Variants in TOM1L2 observed in about 807,000 individuals in gnomAD.
TOM1L2 encodes target of myb1 like 2 membrane trafficking protein.
In TOM1L2, 31 loss-of-function variants were observed where a neutral mutation model predicts 67.9. The ratio of observed to expected loss-of-function variants is 0.46; its 90% confidence interval spans 0.34 to 0.62. The LOEUF (loss-of-function observed/expected upper bound fraction) is 0.62. Ranked by LOEUF, TOM1L2 falls within the 20% of genes least tolerant of loss-of-function variation. TOM1L2 has a pLI of 0.01. For synonymous variants in TOM1L2, 256 were observed against 254.0 expected, an observed-to-expected ratio of 1.01 and a Z score of -0.07; for missense variants, 606 against 663.5, an observed-to-expected ratio of 0.91 and a Z score of 0.95.
chr17:17,964,683 A>C (rs1342278900), intron 1 of TOM1L2, among the ~76,000 whole-genome samples: 3 of 152,204 alleles, frequency 2.0e-5, no homozygotes, highest in Non-Finnish European at 1.5e-5. Flanking sequence ...ACTTGAGCCC[A>C]GTAGGTTGAG....
chr17:17,949,893 CAG>C (rs1253172395), intron 1 of TOM1L2, among the ~76,000 whole-genome samples: 1 of 151,946 alleles, frequency 6.6e-6, no homozygotes, highest in Admixed American at 6.6e-5. Context: ...TTTTTTGAGA[CAG>C]AGTCTTGCTC....
At chr17:17,866,096 T>C (rs2036834339) in intron 10 of TOM1L2, among the ~76,000 whole-genome samples, 200 bp downstream of exon 10, 1 of 152,086 alleles carries the variant, frequency 6.6e-6, no homozygotes. Context: ...CCAACATAGA[T>C]TTTAAACTTC....
At chr17:17,937,729 G>C (rs1287012897) in intron 1 of TOM1L2, among the ~76,000 whole-genome samples, 1 of 152,182 alleles carries the variant, frequency 6.6e-6, no homozygotes, top group Non-Finnish European at 1.5e-5. Flanking sequence ...AAAGTGCAAG[G>C]ATAAATGACA....
At chr17:17,882,592 T>A in intron 6 of TOM1L2, 113 bp downstream of exon 6, 1 of 1,404,188 alleles carries the variant, frequency 7.1e-7, no homozygotes, top group South Asian at 1.3e-5. Context: ...TCCATCTCTG[T>A]GTCCCTAACA....
Position 17,847,512 on chromosome 17 carries a change from C to A in TOM1L2, c.*123G>T. ...GGAGGCCTGGGAGCAGACACGGTGG[C>A]ATTTCCATGGAAACACAGGTGTGCA... On this transcript the variant is annotated 3_prime_UTR_variant, in exon 15 of 15. Transcript: ENST00000379504. 1 of 1,323,126 alleles carries A rather than the reference C, an allele frequency of 7.6e-7. No homozygotes were observed. Among genetic ancestry groups the A allele is most frequent in the South Asian group, 1.4e-5 (1 of 69,190 alleles). 82.0% of individuals were successfully genotyped at this position (1,323,126 alleles called of 1,614,324 possible). A position where few individuals can be genotyped will look rare whatever the true frequency, so the allele number is the denominator to read the frequency against.
intron 12 of TOM1L2, chr17:17,859,880 CA>C (rs34249123): frequency 3.3e-5 from 5 of 152,330 alleles, no homozygotes; most frequent in African/African-American, 7.2e-5. Flanking sequence ...GACTCCATCT[CA>C]AAAAAAGCAA....
intron 4 of TOM1L2, among the ~76,000 whole-genome samples, chr17:17,888,945 G>C (rs1279037161): frequency 6.6e-6 from 1 of 152,216 alleles, no homozygotes; most frequent in Non-Finnish European, 1.5e-5. Flanking sequence ...AAAGCTGCCG[G>C]AAGGGAAGTC....
intron 1 of TOM1L2, 83 bp downstream of exon 1, chr17:17,972,179 G>C: frequency 6.6e-7 from 1 of 1,513,356 alleles, no homozygotes; most frequent in Non-Finnish European, 8.9e-7. Context: ...AAGTGGCACC[G>C]GCGCCCGGCG....
intron 1 of TOM1L2, among the ~76,000 whole-genome samples, chr17:17,921,332 G>A (rs2039859786): frequency 6.6e-6 from 1 of 152,242 alleles, no homozygotes; most frequent in South Asian, 2.1e-4. Context: ...GCCCGAGGCT[G>A]CTGACCCAAG....
In TOM1L2 at chr17:17,902,416, G is replaced by A. The variant is rs371703938; in HGVS notation, c.138-3742C>T. 2.3e-4 allele frequency among the ~76,000 whole-genome samples: 35 copies of A among 152,324 alleles called. No homozygotes were observed. In the South Asian group the frequency reaches 7.3e-3, roughly 32 times the overall value. On this transcript the variant is annotated intron_variant, in intron 2 of 14. Coordinates refer to ENST00000379504, the MANE Select transcript of TOM1L2 (RefSeq NM_001082968.2). ...GTATTGCACAAATACAAGAAGTGCA[G>A]GCAGCACTTCAGTGGCTGCGGCCAG...
chr17:17,920,658 G>A (rs1010161415), intron 1 of TOM1L2, among the ~76,000 whole-genome samples: 6 of 149,802 alleles, frequency 4.0e-5, no homozygotes, highest in South Asian at 2.1e-4. Context: ...TTCTTGAGAC[G>A]GAGTATCACC....
chr17:17,867,010 C>T (rs2036885528), intron 8 of TOM1L2, 86 bp from the exon 9 acceptor site: 1 of 1,329,076 alleles, frequency 7.5e-7, no homozygotes, highest in Non-Finnish European at 1.1e-6. Flanking sequence ...TATGAAGAAT[C>T]CCTGGGACCA....
rs375827085 is a variant in TOM1L2 at position 17,918,507 on chromosome 17, T to G, written c.53-10976A>C. 4.6e-5 allele frequency among the ~76,000 whole-genome samples: 7 copies of G among 152,130 alleles called. No homozygotes were observed. The East Asian group carries it at 1.2e-3, about 25-fold the overall frequency. On this transcript the variant is annotated intron_variant, in intron 1 of 14. Transcript: ENST00000379504. ...AAACAAAGCTGAAGAGAAGACCCAT[T>G]TGAGTCCTTATTCCATAAAAAATTG...
chr17:17,972,394 G>C lies in TOM1L2; in HGVS notation c.-81C>G, dbSNP rs2042150921. ...CTGTAACCCGCCGGACTCCCGTCCTGACTGACACTTGCCCCCTCCCCACTC... is the reference window on the plus strand; with the variant it reads ...CTGTAACCCGCCGGACTCCCGTCCTCACTGACACTTGCCCCCTCCCCACTC... On this transcript the variant is annotated 5_prime_UTR_variant, in exon 1 of 15. Transcript: ENST00000379504. The C allele has an allele frequency of 6.5e-7, 1 of 1,528,894 alleles. No homozygotes were observed. Among genetic ancestry groups the C allele is most frequent in the Admixed American group, 2.0e-5 (1 of 50,788 alleles). 94.7% of individuals were successfully genotyped at this position (1,528,894 alleles called of 1,614,324 possible). A position where few individuals can be genotyped will look rare whatever the true frequency, so the allele number is the denominator to read the frequency against.
chr17:17,912,006 G>A (rs1351673074), intron 1 of TOM1L2, among the ~76,000 whole-genome samples: 3 of 150,356 alleles, frequency 2.0e-5, no homozygotes, highest in Non-Finnish European at 3.0e-5. Context: ...CAAGGCAGAA[G>A]AATTTTTCTT....
In TOM1L2 at chr17:17,884,458, A is replaced by G. The variant is rs998179; in HGVS notation, c.501+176T>C. Among the ~76,000 whole-genome samples the G allele has an allele frequency of 3.6e-4, 55 of 152,328 alleles. No homozygotes were observed. The East Asian group carries it at 0.01, about 29-fold the overall frequency. ...CACTGCTGCCACTTAATCACCAGTC[A>G]ACCAGCTGTCTCACTCCTGCATGCC... On this transcript the variant is annotated intron_variant, in intron 5 of 14. Coordinates refer to ENST00000379504, the MANE Select transcript of TOM1L2 (RefSeq NM_001082968.2).
At chr17:17,893,589 A>T in intron 4 of TOM1L2, 72 bp downstream of exon 4, 1 of 1,313,392 alleles carries the variant, frequency 7.6e-7, no homozygotes, top group Non-Finnish European at 1.0e-6. Context: ...ATGGTGGGAG[A>T]GCATGAGGAC....
intron 7 of TOM1L2, among the ~76,000 whole-genome samples, chr17:17,873,623 G>C (rs1175707978): frequency 6.6e-6 from 1 of 152,250 alleles, no homozygotes; most frequent in South Asian, 2.1e-4. Context: ...CCTGATGGAA[G>C]GGAGCAGGGG....
At position 17,847,577 on chromosome 17, in the gene TOM1L2, G is replaced by A. The variant is rs955818034; in HGVS notation, c.*58C>T. The A allele has an allele frequency of 9.9e-5, 154 of 1,548,286 alleles. No homozygotes were observed. The highest frequency in any genetic ancestry group is 2.3e-4 in the Middle Eastern group (1 of 4,416). ...GGGGATGTAGGAGTGGCCAGTGCCC[G>A]GTGTCCACGGGGTGCGAGCGGGGAC... On this transcript the variant is annotated 3_prime_UTR_variant, in exon 15 of 15. Coordinates refer to ENST00000379504, the MANE Select transcript of TOM1L2 (RefSeq NM_001082968.2).
Sources: allele counts gnomAD v4.1 joint callset (sites outside exome capture counted in the v4.1 genomes callset), GRCh38; gene constraint gnomAD v4.1.1; transcripts MANE v1.5; gene names NCBI Gene and HGNC (gene_info 2026-07-23, HGNC 2026-07-21).